WWOX: variants seen among roughly 807,000 people sequenced by gnomAD.
WWOX encodes WW domain containing oxidoreductase.
WWOX carries 69 observed loss-of-function variants against 46.2 expected under a neutral mutation model. That is an observed-to-expected ratio of 1.49 (90% CI 1.23 to 1.82). The LOEUF is 1.82. WWOX is among the 40% of genes most tolerant of loss of function. The pLI is 0.00. For missense variants in WWOX, 919 were observed against 542.6 expected, an observed-to-expected ratio of 1.69 and a Z score of -6.89; for synonymous variants, 359 against 202.6, an observed-to-expected ratio of 1.77 and a Z score of -6.56.
chr16:78,432,551 C>G lies in WWOX; in HGVS notation c.855C>G (p.Asn285Lys), dbSNP rs767903006. The change falls in exon 8 of 9, where the codon AAC becomes AAG. Residue 285 changes from asparagine to lysine, a missense_variant. By Grantham distance (94) the Asn-to-Lys change is moderately conservative. Transcript: ENST00000566780. Reference sequence around the variant, plus strand: ...TCAGTCGCCTCTCTCCAACAAAAAACGACTATTGGGCGATGCTGGCTTATA... The same window carrying G: ...TCAGTCGCCTCTCTCCAACAAAAAAGGACTATTGGGCGATGCTGGCTTATA... ...LDFSRLSPTKNDYWAMLAYNR... is the reference protein window; with the variant it reads ...LDFSRLSPTKKDYWAMLAYNR... 10 of 1,614,036 alleles carry G rather than the reference C, an allele frequency of 6.2e-6. No homozygotes were observed. Among genetic ancestry groups the G allele is most frequent in the South Asian group, 2.2e-5 (2 of 91,082 alleles).
chr16:78,841,092 C>T (rs895861656), intron 8 of WWOX, among the ~76,000 whole-genome samples: 1 of 152,108 alleles, frequency 6.6e-6, no homozygotes, highest in African/African-American at 2.4e-5. Context: ...CCCAGACATT[C>T]ATTTCGGTAA....
intron 5 of WWOX, among the ~76,000 whole-genome samples, chr16:78,264,012 T>G (rs1175175265): frequency 2.9e-5 from 4 of 140,082 alleles, no homozygotes; most frequent in South Asian, 2.4e-4. Context: ...TTTTTTTTTT[T>G]TTTGTTTTTT....
intron 8 of WWOX, among the ~76,000 whole-genome samples, chr16:79,195,049 T>C (rs1232402866): frequency 6.6e-6 from 1 of 152,174 alleles, no homozygotes; most frequent in Non-Finnish European, 1.5e-5. Flanking sequence ...ATTATGCATA[T>C]GGTGTGATTT....
intron 8 of WWOX, among the ~76,000 whole-genome samples, chr16:78,579,042 C>T (rs1031509437): frequency 6.6e-6 from 1 of 152,042 alleles, no homozygotes; most frequent in Non-Finnish European, 1.5e-5. Context: ...TTGCCCTTTT[C>T]GTAGGTTTTT....
At chr16:79,026,120 C>T (rs1401846447) in intron 8 of WWOX, among the ~76,000 whole-genome samples, 1 of 151,558 alleles carries the variant, frequency 6.6e-6, no homozygotes, top group Non-Finnish European at 1.5e-5. Flanking sequence ...CTTTTCAAAA[C>T]ACTAAGTGCA....
At chr16:79,166,793 C>A (rs959805631) in intron 8 of WWOX, among the ~76,000 whole-genome samples, 1 of 152,140 alleles carries the variant, frequency 6.6e-6, no homozygotes, top group African/African-American at 2.4e-5. Flanking sequence ...TAGTATATAT[C>A]TTGTTAATAG....
chr16:78,780,140 G>A (rs1488353597), intron 8 of WWOX, among the ~76,000 whole-genome samples: 1 of 152,074 alleles, frequency 6.6e-6, no homozygotes, highest in Non-Finnish European at 1.5e-5. Flanking sequence ...CACAACTTGG[G>A]GTAATGCTAT....
At chr16:79,130,925 C>T (rs191535991) in intron 8 of WWOX, among the ~76,000 whole-genome samples, 93 of 152,224 alleles carry the variant, frequency 6.1e-4, no homozygotes, top group Admixed American at 1.0e-3. Context: ...GCATGCCAAC[C>T]GAAGAGACCA....
intron 8 of WWOX, among the ~76,000 whole-genome samples, chr16:79,153,040 C>A (rs1479221523): frequency 6.6e-6 from 1 of 152,122 alleles, no homozygotes. Context: ...GCAAGGAGAC[C>A]TGCAGAGCGA....
At chr16:78,869,509 G>C (rs540222693) in intron 8 of WWOX, among the ~76,000 whole-genome samples, 4 of 152,332 alleles carry the variant, frequency 2.6e-5, no homozygotes, top group African/African-American at 9.6e-5. Flanking sequence ...TTAGATGAAG[G>C]ATGTAAAATA....
At chr16:78,788,048 C>G (rs909680811) in intron 8 of WWOX, among the ~76,000 whole-genome samples, 1 of 152,112 alleles carries the variant, frequency 6.6e-6, no homozygotes, top group Non-Finnish European at 1.5e-5. Flanking sequence ...ATACTAGACC[C>G]TTATCGTATA....
At chr16:79,059,519 C>A (rs954557816) in intron 8 of WWOX, among the ~76,000 whole-genome samples, 2 of 152,164 alleles carry the variant, frequency 1.3e-5, no homozygotes, top group African/African-American at 4.8e-5. Flanking sequence ...GAGATGGAGT[C>A]TTGCCCTGTT....
intron 8 of WWOX, among the ~76,000 whole-genome samples, chr16:78,846,128 G>T (rs182606005): frequency 2.7e-4 from 41 of 152,254 alleles, no homozygotes; most frequent in Non-Finnish European, 1.5e-4. Flanking sequence ...TGGTTGGTTG[G>T]TTTGTTCCAG....
At chr16:78,595,258 G>C (rs1466271513) in intron 8 of WWOX, among the ~76,000 whole-genome samples, 2 of 151,926 alleles carry the variant, frequency 1.3e-5, no homozygotes, top group African/African-American at 4.8e-5. Flanking sequence ...GACTAGGGAA[G>C]TGGCAATGGC....
chr16:78,615,182 A>T (rs2045992388), intron 8 of WWOX, among the ~76,000 whole-genome samples: 1 of 152,208 alleles, frequency 6.6e-6, no homozygotes, highest in South Asian at 2.1e-4. Context: ...GTTGTAAGCT[A>T]AGTAATAACA....
At chr16:78,506,307 G>A (rs1381458578) in intron 8 of WWOX, among the ~76,000 whole-genome samples, 2 of 152,160 alleles carry the variant, frequency 1.3e-5, no homozygotes, top group South Asian at 2.1e-4. Context: ...CTTTTGCTTC[G>A]GAAACGAATC....
intron 5 of WWOX, among the ~76,000 whole-genome samples, chr16:78,234,066 C>G (rs1458060328): frequency 6.6e-6 from 1 of 151,954 alleles, no homozygotes; most frequent in Non-Finnish European, 1.5e-5. Context: ...TTTTAATTAC[C>G]TAAAGGGAAC....
intron 8 of WWOX, among the ~76,000 whole-genome samples, chr16:78,461,925 G>C (rs371062861): frequency 1.1e-4 from 17 of 152,312 alleles, no homozygotes; most frequent in African/African-American, 3.6e-4. Flanking sequence ...TTTATGTTCT[G>C]TACTTCAATC....
chr16:78,909,966 G>A (rs1272319584), intron 8 of WWOX, among the ~76,000 whole-genome samples: 1 of 152,156 alleles, frequency 6.6e-6, no homozygotes, highest in African/African-American at 2.4e-5. Flanking sequence ...GTACATAAAA[G>A]AATGCAATTC....
Sources: allele counts gnomAD v4.1 joint callset (sites outside exome capture counted in the v4.1 genomes callset), GRCh38; gene constraint gnomAD v4.1.1; transcripts MANE v1.5; gene names NCBI Gene and HGNC (gene_info 2026-07-23, HGNC 2026-07-21).